Variants in LRRC28 observed in about 807,000 individuals in gnomAD.
The protein encoded by LRRC28 is leucine-rich repeat-containing protein 28.
LRRC28 carries 39 observed loss-of-function variants against 45.7 expected under a neutral mutation model. The ratio of observed to expected loss-of-function variants is 0.85; its 90% confidence interval spans 0.66 to 1.12. The LOEUF is 1.12. Ranked by LOEUF, LRRC28 falls within the 50% of genes most tolerant of loss-of-function variation. LRRC28 has a pLI of 0.00. For missense variants in LRRC28, 435 were observed against 438.5 expected (o/e 0.99, Z 0.07); for synonymous variants, 206 against 178.8 (o/e 1.15, Z -1.22).
At chr15:99,372,523 G>A (rs1269425597) in intron 9 of LRRC28, among the ~76,000 whole-genome samples, 1 of 152,122 alleles carries the variant, frequency 6.6e-6, no homozygotes, top group African/African-American at 2.4e-5. Context: ...TGGTGTACTT[G>A]TAATAACTCA....
intron 9 of LRRC28, among the ~76,000 whole-genome samples, chr15:99,383,927 C>G (rs1957906514): frequency 6.6e-6 from 1 of 152,142 alleles, no homozygotes; most frequent in African/African-American, 2.4e-5. Context: ...CTTAATGTAT[C>G]ATATTCTGAG....
At chr15:99,336,677 A>G (rs556290178) in intron 6 of LRRC28, among the ~76,000 whole-genome samples, 3 of 152,224 alleles carry the variant, frequency 2.0e-5, no homozygotes, top group Admixed American at 1.3e-4. Context: ...ACTTGTTTCC[A>G]TCTGGCCTAG....
At chr15:99,296,315 A>G (rs1223277275) in intron 5 of LRRC28, among the ~76,000 whole-genome samples, 2 of 152,178 alleles carry the variant, frequency 1.3e-5, no homozygotes, top group Non-Finnish European at 1.5e-5. Flanking sequence ...CCTACCTACT[A>G]TGTGATCAGT....
At chr15:99,260,829 T>G (rs1407986205) in intron 2 of LRRC28, among the ~76,000 whole-genome samples, 1 of 152,256 alleles carries the variant, frequency 6.6e-6, no homozygotes, top group Non-Finnish European at 1.5e-5. Context: ...GAATATGTTA[T>G]TGCTTAATTG....
intron 3 of LRRC28, chr15:99,284,716 A>G (rs2081909985): frequency 3.9e-6 from 2 of 518,050 alleles, no homozygotes; most frequent in East Asian, 5.2e-5. Context: ...CTCCACCCCC[A>G]TAGGAGCCAG....
intron 9 of LRRC28, among the ~76,000 whole-genome samples, chr15:99,373,308 A>T (rs984696379): frequency 6.6e-6 from 1 of 152,146 alleles, no homozygotes; most frequent in Admixed American, 6.5e-5. Flanking sequence ...AAATGTATAC[A>T]TCCTGGTGTA....
intron 3 of LRRC28, among the ~76,000 whole-genome samples, chr15:99,282,191 T>TTTTTTTTTTCG (rs1327794715): frequency 7.2e-6 from 1 of 138,286 alleles, no homozygotes; most frequent in Non-Finnish European, 1.6e-5. Flanking sequence ...TTTTTTTTTT[T>TTTTTTTTTTCG]GTAGCAGTAG....
chr15:99,258,963 C>G, intron 2 of LRRC28: 1 of 744,704 alleles, frequency 1.3e-6, no homozygotes, highest in Non-Finnish European at 2.5e-6. Flanking sequence ...TCCTGTGAGA[C>G]TCTTCAGCAA....
intron 5 of LRRC28, chr15:99,331,929 A>G (rs548364597): frequency 6.6e-6 from 1 of 152,138 alleles, no homozygotes; most frequent in African/African-American, 2.4e-5. Context: ...CCTTCACATA[A>G]CCTTCTCTGA....
Position 99,386,564 on chromosome 15 carries a change from G to C in LRRC28, c.*462G>C, listed in dbSNP as rs1254894785. 3 of 153,598 alleles carry C rather than the reference G, an allele frequency of 2.0e-5. No homozygotes were observed. The highest frequency in any genetic ancestry group is 4.3e-5 in the Non-Finnish European group (3 of 69,036). 9.5% of individuals were successfully genotyped at this position (153,598 alleles called of 1,614,324 possible). ...CCAGTGGAAACTTGTCAGTTTTTGAGGAGTTTCAGCAAACCCCGTGGCCTC... is the reference window on the plus strand; with the variant it reads ...CCAGTGGAAACTTGTCAGTTTTTGACGAGTTTCAGCAAACCCCGTGGCCTC... On this transcript the variant is annotated 3_prime_UTR_variant, in exon 10 of 10. Transcript: ENST00000301981.
intron 7 of LRRC28, among the ~76,000 whole-genome samples, chr15:99,360,294 G>A (rs1422926812): frequency 4.1e-4 from 63 of 152,006 alleles, no homozygotes; most frequent in Admixed American, 4.1e-3. Context: ...CAGGTGAGTT[G>A]AACATTAAGT....
chr15:99,306,444 C>A lies in LRRC28; in HGVS notation c.385+18493C>A, dbSNP rs1198297644. On this transcript the variant is annotated intron_variant, in intron 5 of 9. Coordinates refer to ENST00000301981, the MANE Select transcript of LRRC28 (RefSeq NM_144598.5). Reference sequence around the variant, plus strand: ...AGTTTTGTTTAAACATACATACACACAAAATGATATATTGTTTCCTTTTCC... The same window carrying A: ...AGTTTTGTTTAAACATACATACACAAAAAATGATATATTGTTTCCTTTTCC... Among the ~76,000 whole-genome samples the A allele has an allele frequency of 7.2e-5, 11 of 152,220 alleles. 1 individual carries two copies. The highest frequency in any genetic ancestry group is 7.2e-4 in the Admixed American group (11 of 15,286).
At chr15:99,308,134 A>G (rs540812483) in intron 5 of LRRC28, among the ~76,000 whole-genome samples, 226 of 152,268 alleles carry the variant, frequency 1.5e-3, no homozygotes, top group Non-Finnish European at 2.2e-3. Flanking sequence ...TATAATTTTC[A>G]CAGTGTCTCA....
intron 5 of LRRC28, among the ~76,000 whole-genome samples, chr15:99,289,913 C>G (rs2152215756): frequency 8.7e-6 from 1 of 114,322 alleles, no homozygotes; most frequent in African/African-American, 3.4e-5. Context: ...GCAGTCCGGC[C>G]TGGGCGACAG....
At chr15:99,287,142 G>T in intron 3 of LRRC28, 115 bp from the exon 4 acceptor site, 1 of 765,742 alleles carries the variant, frequency 1.3e-6, no homozygotes, top group South Asian at 1.9e-5. Context: ...AGAGTAGGGT[G>T]CAAAAGTTGT....
intron 3 of LRRC28, chr15:99,286,947 G>A (rs527409923): frequency 4.8e-6 from 1 of 209,066 alleles, no homozygotes. Context: ...AAAATGAACT[G>A]GAAAAACTAG....
At chr15:99,347,478 A>G (rs1956729590) in intron 6 of LRRC28, among the ~76,000 whole-genome samples, 1 of 152,208 alleles carries the variant, frequency 6.6e-6, no homozygotes, top group Non-Finnish European at 1.5e-5. Context: ...AAGTGCTGGG[A>G]TTACAGGCAT....
intron 5 of LRRC28, among the ~76,000 whole-genome samples, chr15:99,330,240 T>C (rs1968130514): frequency 6.6e-6 from 1 of 152,208 alleles, no homozygotes; most frequent in South Asian, 2.1e-4. Context: ...TTTAGGATTT[T>C]GGCCCAAGCC....
intron 5 of LRRC28, among the ~76,000 whole-genome samples, chr15:99,293,670 G>A (rs2082193633): frequency 8.0e-6 from 1 of 125,452 alleles, no homozygotes; most frequent in Non-Finnish European, 1.6e-5. Context: ...ACCATTTCCT[G>A]TGCTTTCTAT....
Sources: allele counts gnomAD v4.1 joint callset (sites outside exome capture counted in the v4.1 genomes callset), GRCh38; gene constraint gnomAD v4.1.1; transcripts MANE v1.5; gene names NCBI Gene and HGNC (gene_info 2026-07-23, HGNC 2026-07-21).